Variants in ELP2 observed in about 807,000 individuals in gnomAD.
ELP2 encodes elongator complex protein 2.
Under a neutral mutation model 119.2 loss-of-function variants are expected in ELP2, and 90 were observed. That is an observed-to-expected ratio of 0.75 (90% CI 0.64 to 0.90). The LOEUF is 0.90. ELP2 is among the 40% of genes least tolerant of loss of function. ELP2 has a pLI of 0.00. For synonymous variants in ELP2, 339 were observed against 331.0 expected (o/e 1.02, Z -0.26); for missense variants, 921 against 967.8 (o/e 0.95, Z 0.64).
chr18:36,136,462 C>A, intron 3 of ELP2, 85 bp downstream of exon 3: 2 of 1,125,834 alleles, frequency 1.8e-6, no homozygotes, highest in Non-Finnish European at 2.7e-6. Context: ...GTCACCCAGG[C>A]TGACGTGCAG....
At chr18:36,139,639 T>C in intron 5 of ELP2, 3 of 1,501,290 alleles carry the variant, frequency 2.0e-6, no homozygotes, top group Non-Finnish European at 2.7e-6. Flanking sequence ...TTTTTATTGT[T>C]TTTATTTTTC....
At chr18:36,158,025 A>G (rs2090624566) in intron 13 of ELP2, among the ~76,000 whole-genome samples, 2 of 152,198 alleles carry the variant, frequency 1.3e-5, no homozygotes, top group African/African-American at 4.8e-5. Flanking sequence ...TTTTGCTCCC[A>G]TACTAAGTGT....
chr18:36,132,525 A>T (rs1161101575), intron 1 of ELP2, among the ~76,000 whole-genome samples: 2 of 152,340 alleles, frequency 1.3e-5, no homozygotes, highest in East Asian at 3.9e-4. Context: ...TTGACAACAG[A>T]TAGAGAAAGG....
At chr18:36,130,477 T>A (rs9958282) in intron 1 of ELP2, among the ~76,000 whole-genome samples, 92,495 of 152,110 alleles carry the variant, frequency 0.61, 28,460 homozygotes, top group East Asian at 0.8. Context: ...TTCCTTCAGT[T>A]TTGGTTAATG....
chr18:36,166,060 G>T (rs561076557), intron 18 of ELP2, among the ~76,000 whole-genome samples: 3 of 151,758 alleles, frequency 2.0e-5, no homozygotes, highest in African/African-American at 7.3e-5. Context: ...AGGCATGGTG[G>T]TGCATGCCTG....
chr18:36,149,492 T>TG lies in ELP2; in HGVS notation c.1125+3111_1125+3112insG, dbSNP rs1555640003. The stretch of plus-strand genomic sequence containing the variant: ...CAGGGTTTTTTGTTTTGTTTTGTTT[T>TG]TTTTTTTTTTGCTTAGAAATCATCC... On this transcript the variant is annotated intron_variant, in intron 11 of 21. Transcript: ENST00000358232. Among the ~76,000 whole-genome samples, 9 of 147,130 alleles carry TG rather than the reference T, an allele frequency of 6.1e-5. 1 individual carries two copies. Among genetic ancestry groups the TG allele is most frequent in the Admixed American group, 2.1e-4 (3 of 14,596 alleles).
At chr18:36,131,031 G>T (rs553116824) in intron 1 of ELP2, among the ~76,000 whole-genome samples, 75 of 151,996 alleles carry the variant, frequency 4.9e-4, no homozygotes, top group African/African-American at 1.8e-3. Context: ...AAAAATAGCT[G>T]GTTGTGGTGG....
chr18:36,153,007 A>C (rs775239816), intron 11 of ELP2, among the ~76,000 whole-genome samples: 6 of 152,190 alleles, frequency 3.9e-5, no homozygotes, highest in Non-Finnish European at 8.8e-5. Context: ...TTGTCCCTGC[A>C]TAATTCTCTG....
intron 9 of ELP2, 27 bp from the exon 10 acceptor site, chr18:36,145,921 C>G (rs2090183668): frequency 6.4e-7 from 1 of 1,572,856 alleles, no homozygotes; most frequent in East Asian, 2.2e-5. Context: ...TGTTGATCAC[C>G]TAAAGGGATT....
rs527538675 is a variant in ELP2, at chr18:36,175,027, C to T, written c.*386C>T. On this transcript the variant is annotated 3_prime_UTR_variant, in exon 22 of 22. Coordinates refer to ENST00000358232, the MANE Select transcript of ELP2 (RefSeq NM_018255.4). ...TTTTTTAAGTCACATAGCAGTAGTC[C>T]TTATTTCAGTGCTAGACCCTTTGAA... The T allele has an allele frequency of 1.1e-5, 3 of 265,898 alleles. No homozygotes were observed. Among genetic ancestry groups the T allele is most frequent in the Non-Finnish European group, 2.2e-5 (3 of 135,278 alleles). The allele number at this position is 265,898 out of a possible 1,614,324, so 16.5% of individuals were successfully genotyped here.
intron 13 of ELP2, among the ~76,000 whole-genome samples, chr18:36,156,898 T>C (rs1268709032): frequency 2.6e-5 from 4 of 152,096 alleles, no homozygotes; most frequent in Non-Finnish European, 4.4e-5. Flanking sequence ...AATTGAGACA[T>C]GAATATGATG....
At chr18:36,133,738 T>TTA (rs977180605) in intron 2 of ELP2, among the ~76,000 whole-genome samples, 9 of 7,756 alleles carry the variant, frequency 1.2e-3, no homozygotes, top group Admixed American at 0.011. Context: ...ATTTATTTAT[T>TTA]TTTTTTTTGC....
At position 36,174,617 on chromosome 18, in the gene ELP2, CAG is replaced by C. The variant is rs1331690035; in HGVS notation, c.2460_2461del (p.Arg820SerfsTer3). 2 of 1,614,108 alleles carry C rather than the reference CAG, an allele frequency of 1.2e-6. No individual in the cohort carries two copies. The highest frequency in any genetic ancestry group is 1.7e-6 in the Non-Finnish European group (2 of 1,180,020). On this transcript the variant is annotated frameshift_variant, in exon 22 of 22. Transcript: ENST00000358232. LOFTEE classifies it high-confidence loss of function. ...GTGAAGATCACACTGTGAAGATACACAGAGTCAATAAATGTGCACTGTAATGG... is the reference window on the plus strand; with the variant it reads ...GTGAAGATCACACTGTGAAGATACACAGTCAATAAATGTGCACTGTAATGG... ...CGEDHTVKIH[R>X]VNKCAL
Position 36,142,445 on chromosome 18 carries a change from GTATGT to G in ELP2, c.655+105_655+109del. Reference sequence around the variant, plus strand: ...TTGTTTTAATTTTTAAGTTTTCTTTGTATGTTATGTTTTTCTATTGTCCCAATTAG... The same window carrying G: ...TTGTTTTAATTTTTAAGTTTTCTTTGTATGTTTTTCTATTGTCCCAATTAG... On this transcript the variant is annotated intron_variant, in intron 7 of 21. Coordinates refer to ENST00000358232, the MANE Select transcript of ELP2 (RefSeq NM_018255.4). 3 of 1,022,464 alleles carry G rather than the reference GTATGT, an allele frequency of 2.9e-6. 1 individual carries two copies. In the South Asian group the frequency reaches 3.9e-5, roughly 13 times the overall value. 63.3% of individuals were successfully genotyped at this position (1,022,464 alleles called of 1,614,324 possible). A position where few individuals can be genotyped will look rare whatever the true frequency, so the allele number is the denominator to read the frequency against.
chr18:36,130,186 C>T, intron 1 of ELP2, 115 bp downstream of exon 1: 10 of 1,422,624 alleles, frequency 7.0e-6, no homozygotes, highest in Non-Finnish European at 9.8e-6. Flanking sequence ...CGGGTCGGCT[C>T]AGGGGAGCGG....
rs2090185989 is a variant in ELP2, at chr18:36,145,969, T to A, written c.914T>A (p.Val305Glu). The part of the protein sequence containing the change: ...FYKDGVLQQP[V>E]RLLSASMDKT... Reference sequence around the variant, plus strand: ...TTAGATGGTGTCCTACAGCAGCCAGTGAGATTATTATCTGCTTCCATGGAT... The same window carrying A: ...TTAGATGGTGTCCTACAGCAGCCAGAGAGATTATTATCTGCTTCCATGGAT... Residue 305 changes from valine (V) to glutamate (E), a missense_variant, in exon 10 of 22, where the codon GTG becomes GAG. By Grantham distance (121) the Val-to-Glu change is moderately radical. Coordinates refer to ENST00000358232, the MANE Select transcript of ELP2 (RefSeq NM_018255.4). 2 of 1,608,130 alleles carry A rather than the reference T, an allele frequency of 1.2e-6. No individual in the cohort carries two copies. The highest frequency in any genetic ancestry group is 4.5e-5 in the East Asian group (2 of 44,838).
At chr18:36,158,603 G>A (rs903339421) in intron 13 of ELP2, 2 of 447,500 alleles carry the variant, frequency 4.5e-6, no homozygotes, top group Admixed American at 3.6e-5. Context: ...TTGCATGGGA[G>A]TTGGAGGCCT....
At position 36,160,934 on chromosome 18, in the gene ELP2, A is replaced by G. The variant is rs1455646277; in HGVS notation, c.1691A>G (p.Tyr564Cys). ...CTTTTTTTCTTTTTAAATTTTAGAT[A>G]TGGGCACGGTTATGAAATATTTTGT... ...NTLWPEVQKL[Y>C]GHGYEIFCVT... Residue 564 changes from tyrosine to cysteine, a missense_variant and splice_region_variant, in exon 17 of 22, where the codon TAT becomes TGT. Coordinates refer to ENST00000358232, the MANE Select transcript of ELP2 (RefSeq NM_018255.4). The G allele has an allele frequency of 3.7e-6, 6 of 1,608,996 alleles. No homozygotes were observed. The highest frequency in any genetic ancestry group is 1.3e-5 in the African/African-American group (1 of 74,934).
At chr18:36,173,686 C>G (rs1300580830) in intron 21 of ELP2, among the ~76,000 whole-genome samples, 1 of 152,156 alleles carries the variant, frequency 6.6e-6, no homozygotes. Context: ...GAGAATGCAT[C>G]TGGTGACAGG....
Sources: gnomAD v4.1 joint callset for allele counts (sites outside exome capture counted in the v4.1 genomes callset) on GRCh38, gnomAD v4.1.1 for gene constraint, MANE v1.5 for transcripts, NCBI Gene and HGNC (gene_info 2026-07-23, HGNC 2026-07-21) for gene names.